The following GC variants were observed in gnomAD, a reference collection of about 807,000 sequenced individuals.
GC encodes vitamin D-binding protein.
GC carries 43 observed loss-of-function variants against 56.7 expected under a neutral mutation model. The observed-to-expected ratio is 0.76, with a 90% CI of 0.59 to 0.98. The LOEUF is 0.98. Ranked by LOEUF, GC falls within the 50% of genes least tolerant of loss-of-function variation. The pLI is 0.00. For missense variants in GC, 529 were observed against 545.9 expected, an observed-to-expected ratio of 0.97 and a Z score of 0.31; for synonymous variants, 216 against 202.7, an observed-to-expected ratio of 1.07 and a Z score of -0.56.
At chr4:71,755,554 C>G (rs1488839190) in intron 8 of GC, among the ~76,000 whole-genome samples, 1 of 152,136 alleles carries the variant, frequency 6.6e-6, no homozygotes, top group Non-Finnish European at 1.5e-5. Context: ...CAGACTGACT[C>G]TAAATCAACA....
chr4:71,789,928 A>G (rs1005189178), intron 1 of GC, among the ~76,000 whole-genome samples: 4 of 151,958 alleles, frequency 2.6e-5, no homozygotes, highest in Non-Finnish European at 5.9e-5. Context: ...GGCAGCCCCT[A>G]GATGCTGGAA....
At chr4:71,760,115 C>T in intron 6 of GC, among the ~76,000 whole-genome samples, 1 of 147,422 alleles carries the variant, frequency 6.8e-6, no homozygotes, top group African/African-American at 2.5e-5. Context: ...GCAATCTTGG[C>T]TTACTGCAAG....
At position 71,756,899 on chromosome 4, in the gene GC, C is replaced by T. The variant is rs751062758; in HGVS notation, c.847G>A (p.Val283Ile). The change falls in exon 8 of 13, where the codon GTA becomes ATA. Residue 283 changes from valine to isoleucine, a missense_variant. Physicochemically the swap from Val to Ile is conservative, Grantham distance 29 (BLOSUM62 3). Coordinates refer to ENST00000273951, the MANE Select transcript of GC (RefSeq NM_000583.4). ...CMAKELPEHT[V>I]KLCDNLSTKN... ...GTGGATAAATTGTCACAGAGTTTTA[C>T]TGTGTGTTCAGGCAGCTACAAAACG... The T allele has an allele frequency of 1.2e-6, 2 of 1,611,826 alleles. No homozygotes were observed. The highest frequency in any genetic ancestry group is 1.3e-5 in the African/African-American group (1 of 74,998).
At chr4:71,792,183 T>C (rs1324979663) in intron 1 of GC, among the ~76,000 whole-genome samples, 1 of 152,236 alleles carries the variant, frequency 6.6e-6, no homozygotes, top group Non-Finnish European at 1.5e-5. Flanking sequence ...ATATACCCAG[T>C]AATGGGATGG....
intron 1 of GC, among the ~76,000 whole-genome samples, chr4:71,791,730 A>G (rs189875386): frequency 8.6e-5 from 13 of 151,690 alleles, no homozygotes; most frequent in Non-Finnish European, 1.2e-4. Flanking sequence ...GGTTTGTTAC[A>G]TAGGTATATG....
At chr4:71,787,744 A>G (rs1027390765), upstream of GC, among the ~76,000 whole-genome samples, 4 of 151,922 alleles carry the variant, frequency 2.6e-5, no homozygotes, top group African/African-American at 9.7e-5. Flanking sequence ...TTTAAGACAC[A>G]GAATCATCAG....
At position 71,771,716 on chromosome 4, in the gene GC, A is replaced by T. The variant is rs145035909; in HGVS notation, c.59-2316T>A. ...ATGTCTGAGAACCTTCACATCTTGT[A>T]CATTTTCTGAAATGTATTGATTAGT... On this transcript the variant is annotated intron_variant, in intron 1 of 12. Transcript: ENST00000273951. Among the ~76,000 whole-genome samples, 15 of 152,318 alleles carry T rather than the reference A, an allele frequency of 9.8e-5. No individual in the cohort carries two copies. In the East Asian group the frequency reaches 2.7e-3, roughly 27 times the overall value.
intron 11 of GC, among the ~76,000 whole-genome samples, chr4:71,750,383 A>C (rs890254378): frequency 2.6e-5 from 4 of 152,196 alleles, no homozygotes; most frequent in African/African-American, 9.7e-5. Flanking sequence ...GGCTGAATGC[A>C]CCTCTAGAAG....
At chr4:71,794,330 C>T (rs960597804) in intron 1 of GC, among the ~76,000 whole-genome samples, 2 of 152,188 alleles carry the variant, frequency 1.3e-5, no homozygotes, top group African/African-American at 4.8e-5. Flanking sequence ...GCCTCAATTT[C>T]AGAGTCTGTT....
chr4:71,797,194 G>T lies in GC; in HGVS notation c.21+6732C>A, dbSNP rs560052634. 5.9e-5 allele frequency among the ~76,000 whole-genome samples: 9 copies of T among 152,364 alleles called. 2 individuals carry two copies. The South Asian group carries it at 1.9e-3, about 32-fold the overall frequency. On this transcript the variant is annotated intron_variant, in intron 1 of 13. Coordinates refer to the GC transcript ENST00000504199. ...TCCATTCTCAGAGCTCACATGCCAT[G>T]CTGGGAGAACTACTACTGTCTTCAG...
At chr4:71,804,708 G>A (rs971678469), upstream of GC, among the ~76,000 whole-genome samples, 11 of 152,094 alleles carry the variant, frequency 7.2e-5, no homozygotes, top group African/African-American at 2.2e-4. Context: ...TAAAAGTGTC[G>A]AAAGTAATGG....
upstream of GC, among the ~76,000 whole-genome samples, chr4:71,785,386 G>A (rs1031069717): frequency 1.3e-5 from 2 of 151,692 alleles, no homozygotes; most frequent in African/African-American, 2.4e-5. Context: ...CCAGGGTCCC[G>A]CAGATAAGTG....
At chr4:71,748,413 C>T (rs948679458) in intron 11 of GC, among the ~76,000 whole-genome samples, 13 of 151,930 alleles carry the variant, frequency 8.6e-5, no homozygotes, top group Non-Finnish European at 1.8e-4. Flanking sequence ...GTATTTGTCT[C>T]TGTGTTTTTA....
At position 71,763,388 on chromosome 4, in the gene GC, C is replaced by T; in HGVS notation, c.701+20G>A. The T allele has an allele frequency of 7.7e-7, 1 of 1,291,170 alleles. No individual in the cohort carries two copies. The highest frequency in any genetic ancestry group is 1.2e-5 in the South Asian group (1 of 83,198). 80.0% of individuals were successfully genotyped at this position (1,291,170 alleles called of 1,614,324 possible). A position where few individuals can be genotyped will look rare whatever the true frequency, so the allele number is the denominator to read the frequency against. Reference sequence around the variant, plus strand: ...TGCAGAACCAAACATCTAAATATGACAATAGCACTTAATCTTTACCTGAGC... The same window carrying T: ...TGCAGAACCAAACATCTAAATATGATAATAGCACTTAATCTTTACCTGAGC... On this transcript the variant is annotated intron_variant, in intron 6 of 12. Transcript: ENST00000273951.
intron 1 of GC, among the ~76,000 whole-genome samples, chr4:71,796,195 T>A (rs1743099253): frequency 6.6e-6 from 1 of 152,186 alleles, no homozygotes; most frequent in Non-Finnish European, 1.5e-5. Flanking sequence ...TTTCCCGAAT[T>A]TGAATGTTGG....
intron 12 of GC, among the ~76,000 whole-genome samples, chr4:71,745,768 C>T (rs1007566043): frequency 3.3e-5 from 5 of 151,852 alleles, no homozygotes; most frequent in Admixed American, 3.3e-4. Context: ...TAAGAATGTC[C>T]CTTTCCTCCT....
rs149876631 is a variant in GC at position 71,778,891 on chromosome 4, G to GTTATTATTATTATTA, written c.58+5055_58+5069dup. Among the ~76,000 whole-genome samples the GTTATTATTATTATTA allele has an allele frequency of 2.1e-3, 306 of 143,322 alleles. 1 individual carries two copies. The highest frequency in any genetic ancestry group is 7.4e-3 in the African/African-American group (287 of 38,774). 94.0% of individuals were successfully genotyped at this position (143,322 alleles called of 152,430 possible). On this transcript the variant is annotated intron_variant, in intron 1 of 12. Transcript: ENST00000273951. ...CTCAGGAAACAGAATATTGCTGTCA[G>GTTATTATTATTATTA]TTATTATTATTATTATTATTATTAT...
At chr4:71,794,195 C>A (rs1450403182) in intron 1 of GC, among the ~76,000 whole-genome samples, 1 of 152,184 alleles carries the variant, frequency 6.6e-6, no homozygotes, top group Non-Finnish European at 1.5e-5. Context: ...AGAATTCCCT[C>A]TTTTTCTATT....
intron 1 of GC, chr4:71,769,688 C>A (rs1742284745): frequency 7.1e-6 from 2 of 280,238 alleles, no homozygotes; most frequent in Non-Finnish European, 1.4e-5. Flanking sequence ...GAGTCAGAAG[C>A]TATTGATATG....
Sources: allele counts gnomAD v4.1 joint callset (sites outside exome capture counted in the v4.1 genomes callset), GRCh38; gene constraint gnomAD v4.1.1; transcripts MANE v1.5; gene names NCBI Gene and HGNC (gene_info 2026-07-23, HGNC 2026-07-21).